The following NFRKB variants were observed in gnomAD, a reference collection of about 807,000 sequenced individuals.
The protein encoded by NFRKB is nuclear factor related to kappa-B-binding protein.
A neutral mutation model predicts 135.7 loss-of-function variants in NFRKB; 62 were observed. The ratio of observed to expected loss-of-function variants is 0.46; its 90% CI spans 0.37 to 0.56. NFRKB has a LOEUF of 0.56. Ranked by LOEUF, NFRKB falls within the 20% of genes least tolerant of loss-of-function variation. The pLI, the probability that NFRKB is intolerant of heterozygous loss-of-function variation, is 0.00. For synonymous variants in NFRKB, 678 were observed against 635.6 expected, an observed-to-expected ratio of 1.07 and a Z score of -1.00; for missense variants, 1,545 against 1,662.0, an observed-to-expected ratio of 0.93 and a Z score of 1.22.
At chr11:129,888,851 T>C (rs1238762180) in intron 3 of NFRKB, 56 bp from the exon 4 acceptor site, 31 of 1,300,974 alleles carry the variant, frequency 2.4e-5, no homozygotes, top group Non-Finnish European at 2.6e-5. Flanking sequence ...GTTTTTTGTA[T>C]GTATGCGTAT....
chr11:129,895,235 G>A, intron 1 of NFRKB, among the ~76,000 whole-genome samples: 1 of 152,126 alleles, frequency 6.6e-6, no homozygotes, highest in East Asian at 1.9e-4. Context: ...CCTCAACTCT[G>A]CAGCAAATTC....
rs1469138324 is a variant in NFRKB, at chr11:129,878,480, T to G, written c.1448A>C (p.Asp483Ala). The stretch of plus-strand genomic sequence containing the variant: ...AAAACATACCTTACAGAAGGCCTGA[T>G]CTTTGGTCTCTAGCCATAGCTGGAA... ...ALFQLWLETKDQAFCKQENED... is the reference protein window; with the variant it reads ...ALFQLWLETKAQAFCKQENED... Residue 483 changes from aspartate to alanine, a missense_variant, in exon 14 of 27, where the codon GAT (aspartate) becomes GCT (alanine). Transcript: ENST00000682444. 1.2e-6 allele frequency: 2 copies of G among 1,614,156 alleles called. No individual in the cohort carries two copies. The highest frequency in any genetic ancestry group is 3.3e-5 in the Admixed American group (2 of 60,032).
chr11:129,881,168 A>G (rs1034441486), intron 13 of NFRKB, among the ~76,000 whole-genome samples: 2 of 152,224 alleles, frequency 1.3e-5, no homozygotes, highest in African/African-American at 2.4e-5. Flanking sequence ...TGCTCTTGCA[A>G]AATACCCTTG....
intron 3 of NFRKB, among the ~76,000 whole-genome samples, 168 bp from the exon 4 acceptor site, chr11:129,888,963 C>G (rs774597469): frequency 1.3e-5 from 2 of 151,810 alleles, no homozygotes; most frequent in Non-Finnish European, 2.9e-5. Flanking sequence ...GCAACTATCA[C>G]TACTAATTTT....
chr11:129,864,804 G>A lies in NFRKB; in HGVS notation c.3821C>T (p.Ala1274Val). 1 of 1,614,250 alleles carries A rather than the reference G, an allele frequency of 6.2e-7. No homozygotes were observed. The highest frequency in any genetic ancestry group is 8.5e-7 in the Non-Finnish European group (1 of 1,180,052). ...VPASHLQQGT[A>V]SGSSKAVSTV... ...GGAGACTGCTTTGGAGGAGCCAGAA[G>A]CTGTTCCCTGTTGGAGATGGGATGC... The change falls in exon 27 of 27, where the codon GCT (alanine) becomes GTT (valine). Residue 1274 changes from alanine (A) to valine (V), a missense_variant. Physicochemically the swap from Ala to Val is moderately conservative, Grantham distance 64 (BLOSUM62 0). Around this residue, in one of 3 missense-constraint regions of NFRKB, gnomAD observed 753 missense variants for 804.3 expected, o/e 0.94. Coordinates refer to ENST00000682444, the MANE Select transcript of NFRKB (RefSeq NM_001143835.2).
At chr11:129,878,231 G>C (rs1948862560) in intron 15 of NFRKB, 78 bp downstream of exon 15, 2 of 1,460,744 alleles carry the variant, frequency 1.4e-6, no homozygotes, top group Non-Finnish European at 9.5e-7. Flanking sequence ...AGCATACCAA[G>C]AAGTATTAAC....
chr11:129,891,578 G>A (rs1949561210), intron 3 of NFRKB, among the ~76,000 whole-genome samples: 1 of 152,148 alleles, frequency 6.6e-6, no homozygotes, highest in South Asian at 2.1e-4. Flanking sequence ...GAGTCACCAG[G>A]ACTTAAGGCC....
rs761959075 is a variant in NFRKB at position 129,888,565 on chromosome 11, C to A, written c.337+29G>T. On this transcript the variant is annotated intron_variant, in intron 4 of 26. Coordinates refer to ENST00000682444, the MANE Select transcript of NFRKB (RefSeq NM_001143835.2). ...TGAACGTGTGCCCATCCACCACCCC[C>A]CTCAAAGAAAGAATACTGAGCTACA... is the stretch of plus-strand genomic sequence containing the variant. 4 of 1,606,262 alleles carry A rather than the reference C, an allele frequency of 2.5e-6. No individual in the cohort carries two copies. In the East Asian group the frequency reaches 8.9e-5, roughly 36 times the overall value.
At position 129,885,357 on chromosome 11, in the gene NFRKB, C is replaced by T. The variant is rs1202615212; in HGVS notation, c.640+78G>A. ...GTTTCTTTGCTGGGGAGATAAATGGCTACCACTGGCTCCAACCGGACAAGT... is the reference window on the plus strand; with the variant it reads ...GTTTCTTTGCTGGGGAGATAAATGGTTACCACTGGCTCCAACCGGACAAGT... On this transcript the variant is annotated intron_variant, in intron 6 of 26. Transcript: ENST00000682444. The T allele has an allele frequency of 2.7e-6, 4 of 1,486,620 alleles. No homozygotes were observed. In the African/African-American group the frequency reaches 5.6e-5, roughly 21 times the overall value. 92.1% of individuals were successfully genotyped at this position (1,486,620 alleles called of 1,614,324 possible).
chr11:129,892,636 G>A, intron 3 of NFRKB, 79 bp downstream of exon 3: 1 of 1,454,430 alleles, frequency 6.9e-7, no homozygotes, highest in Non-Finnish European at 9.5e-7. Flanking sequence ...GACTGGAAAT[G>A]TAGAGTGGAA....
chr11:129,885,654 G>A, intron 5 of NFRKB, 45 bp from the exon 6 acceptor site: 1 of 1,541,662 alleles, frequency 6.5e-7, no homozygotes, highest in Non-Finnish European at 8.8e-7. Context: ...TCCAAGACCT[G>A]TTCTGGAACA....
Position 129,882,600 on chromosome 11 carries a change from CTTTTT to C in NFRKB, c.928_932del (p.Lys310GlyfsTer2), listed in dbSNP as rs149369172. The C allele has an allele frequency of 6.2e-7, 1 of 1,610,322 alleles. No homozygotes were observed. The highest frequency in any genetic ancestry group is 1.3e-5 in the African/African-American group (1 of 74,606). The stretch of plus-strand genomic sequence containing the variant: ...TCTTCTTTTCCTCTTTTTCCTTAAC[CTTTTT>C]TTTAAGGACAGCCAAGTCATATAAG... On this transcript the variant is annotated frameshift_variant, in exon 10 of 27. Coordinates refer to ENST00000682444, the MANE Select transcript of NFRKB (RefSeq NM_001143835.2). LOFTEE classifies it high-confidence loss of function.
chr11:129,877,442 T>C (rs1948820456), intron 15 of NFRKB, 57 bp from the exon 16 acceptor site: 10 of 1,481,494 alleles, frequency 6.7e-6, no homozygotes, highest in East Asian at 2.3e-5. Flanking sequence ...GTCAGACCCA[T>C]TGCCCCTGCT....
At chr11:129,893,154 T>A (rs1381111680) in intron 2 of NFRKB, 2 of 1,034,166 alleles carry the variant, frequency 1.9e-6, no homozygotes, top group Non-Finnish European at 2.6e-6. Context: ...AAAATGAGAC[T>A]GAGAATAAAT....
Position 129,865,975 on chromosome 11 carries a change from C to T in NFRKB, c.3540G>A (p.Leu1180=). The part of the protein sequence containing the change: ...TVVSTSQAGK[L]PTRITVPLSV... The stretch of plus-strand genomic sequence containing the variant: ...AGAGGGGAACTGTGATCCGTGTAGG[C>T]AACTTCCCCTAGAAAAAAAAAGCAG... The change falls in exon 25 of 27, where the codon TTG becomes TTA. Residue 1180 remains leucine (L), a synonymous_variant. Coordinates refer to ENST00000682444, the MANE Select transcript of NFRKB (RefSeq NM_001143835.2). The T allele has an allele frequency of 6.3e-7, 1 of 1,588,872 alleles. No homozygotes were observed. The highest frequency in any genetic ancestry group is 8.6e-7 in the Non-Finnish European group (1 of 1,168,630).
chr11:129,885,362 AC>A, intron 6 of NFRKB, 72 bp downstream of exon 6: 1 of 1,505,966 alleles, frequency 6.6e-7, no homozygotes, highest in Admixed American at 1.9e-5. Context: ...AATGGCTACC[AC>A]TGGCTCCAAC....
rs779109005 is a variant in NFRKB at position 129,874,360 on chromosome 11, C to G, written c.2059-27G>C. 1 of 1,519,826 alleles carries G rather than the reference C, an allele frequency of 6.6e-7. No homozygotes were observed. The highest frequency in any genetic ancestry group is 8.8e-7 in the Non-Finnish European group (1 of 1,136,854). 94.1% of individuals were successfully genotyped at this position (1,519,826 alleles called of 1,614,324 possible). A position where few individuals can be genotyped will look rare whatever the true frequency, so the allele number is the denominator to read the frequency against. ...TAGAACGGAAGACAAAGAAAACTCA[C>G]CTGGTGTCGTGAAGATCCCCCTAAA... On this transcript the variant is annotated intron_variant, in intron 20 of 26. Coordinates refer to ENST00000682444, the MANE Select transcript of NFRKB (RefSeq NM_001143835.2). The surrounding 1 kb of genome is among the most constrained non-coding windows in gnomAD (Gnocchi z 4.5).
chr11:129,884,626 C>T, intron 7 of NFRKB, 119 bp downstream of exon 7: 1 of 1,165,884 alleles, frequency 8.6e-7, no homozygotes, highest in South Asian at 1.4e-5. Context: ...TCACCTAGTT[C>T]TAGGGAGTTT....
chr11:129,871,235 G>A (rs1250909077), intron 23 of NFRKB, among the ~76,000 whole-genome samples: 2 of 151,950 alleles, frequency 1.3e-5, no homozygotes, highest in Non-Finnish European at 2.9e-5. Context: ...TTGTTGTATT[G>A]TTGTTTTTTA....
Sources: gnomAD v4.1 joint callset for allele counts (sites outside exome capture counted in the v4.1 genomes callset) on GRCh38, gnomAD v4.1.1 for gene constraint, gnomAD v4.1.1 regional missense constraint, Gnocchi (gnomAD v3.1) non-coding constraint, MANE v1.5 for transcripts, NCBI Gene and HGNC (gene_info 2026-07-23, HGNC 2026-07-21) for gene names.